Variants in SPIDR observed in about 807,000 individuals in gnomAD.
The protein encoded by SPIDR is DNA repair-scaffolding protein.
In SPIDR, 93 loss-of-function variants were observed where a neutral mutation model predicts 104.6. The observed-to-expected ratio is 0.89, with a 90% CI of 0.75 to 1.06. The LOEUF is 1.06. Ranked by LOEUF, SPIDR falls within the 50% of genes least tolerant of loss-of-function variation. The pLI, the probability that SPIDR is intolerant of heterozygous loss-of-function variation, is 0.00. For synonymous variants in SPIDR, 431 were observed against 416.9 expected (o/e 1.03, Z -0.41); for missense variants, 1,154 against 1,111.2 (o/e 1.04, Z -0.55).
At chr8:47,314,873 C>T (rs1197755858) in intron 5 of SPIDR, among the ~76,000 whole-genome samples, 1 of 152,114 alleles carries the variant, frequency 6.6e-6, no homozygotes, top group Admixed American at 6.5e-5. Context: ...GAAAACAAGA[C>T]TTCCTGTATT....
chr8:47,732,163 C>T, intron 19 of SPIDR: 1 of 702,632 alleles, frequency 1.4e-6, no homozygotes. Context: ...CAGAAATCCT[C>T]CTTCCTTCAC....
At chr8:47,380,064 C>T (rs1554644558) in intron 5 of SPIDR, among the ~76,000 whole-genome samples, 1 of 152,230 alleles carries the variant, frequency 6.6e-6, no homozygotes, top group Non-Finnish European at 1.5e-5. Context: ...CAGAAGCAAC[C>T]TGTCTTGCCT....
intron 8 of SPIDR, among the ~76,000 whole-genome samples, chr8:47,538,372 C>T (rs2087353837): frequency 6.6e-6 from 1 of 151,866 alleles, no homozygotes; most frequent in Non-Finnish European, 1.5e-5. Flanking sequence ...GGTGAAACCC[C>T]GTCTCTACTA....
chr8:47,587,900 A>G (rs909355082), intron 8 of SPIDR, among the ~76,000 whole-genome samples: 2 of 150,328 alleles, frequency 1.3e-5, no homozygotes, highest in Admixed American at 6.7e-5. Flanking sequence ...ACCATATAAT[A>G]TTGGTTATTA....
chr8:47,511,413 C>G (rs2082301504), intron 8 of SPIDR: 2 of 827,546 alleles, frequency 2.4e-6, no homozygotes, highest in Admixed American at 1.7e-5. Context: ...ATTTGGACTT[C>G]ATAAAGTCCT....
chr8:47,313,834 C>A (rs2154256399), intron 5 of SPIDR, among the ~76,000 whole-genome samples: 1 of 152,242 alleles, frequency 6.6e-6, no homozygotes, highest in South Asian at 2.1e-4. Flanking sequence ...GCTATAAACA[C>A]CTTTAAAGTA....
intron 8 of SPIDR, among the ~76,000 whole-genome samples, chr8:47,548,170 A>C (rs1051754538): frequency 2.0e-5 from 3 of 152,204 alleles, no homozygotes; most frequent in Admixed American, 6.5e-5. Flanking sequence ...TTAGAAGATA[A>C]GAAAAAGTAG....
At chr8:47,570,984 G>A (rs1016257076) in intron 8 of SPIDR, among the ~76,000 whole-genome samples, 8 of 150,854 alleles carry the variant, frequency 5.3e-5, no homozygotes, top group Non-Finnish European at 1.2e-4. Flanking sequence ...CCAGCTACTC[G>A]GGAAGCTGAG....
intron 7 of SPIDR, among the ~76,000 whole-genome samples, chr8:47,431,031 C>T (rs1554688853): frequency 1.3e-5 from 2 of 152,196 alleles, no homozygotes; most frequent in Admixed American, 1.3e-4. Flanking sequence ...GCTGCCATCA[C>T]AAAATCCCAC....
At chr8:47,525,082 A>T (rs1389823861) in intron 8 of SPIDR, among the ~76,000 whole-genome samples, 1 of 152,250 alleles carries the variant, frequency 6.6e-6, no homozygotes, top group Non-Finnish European at 1.5e-5. Context: ...GGGTGAATTC[A>T]GTTCCAGTGT....
intron 8 of SPIDR, among the ~76,000 whole-genome samples, chr8:47,452,811 A>T (rs2072091043): frequency 6.6e-6 from 1 of 152,220 alleles, no homozygotes; most frequent in Non-Finnish European, 1.5e-5. Context: ...CAAGACAGGG[A>T]TGCCCTCTCT....
chr8:47,324,299 A>G (rs916463980), intron 5 of SPIDR, among the ~76,000 whole-genome samples: 6 of 152,142 alleles, frequency 3.9e-5, no homozygotes, highest in Non-Finnish European at 8.8e-5. Flanking sequence ...ATTTTGCTGA[A>G]TGGCCTTTCC....
intron 8 of SPIDR, among the ~76,000 whole-genome samples, chr8:47,502,914 C>A (rs2080775926): frequency 6.6e-6 from 1 of 152,238 alleles, no homozygotes; most frequent in South Asian, 2.1e-4. Context: ...CATTCAGGAG[C>A]ACGTTGTGCA....
At chr8:47,368,328 A>T (rs2057496660) in intron 5 of SPIDR, among the ~76,000 whole-genome samples, 1 of 129,974 alleles carries the variant, frequency 7.7e-6, no homozygotes, top group Non-Finnish European at 1.6e-5. Context: ...ACAGAGTCAG[A>T]AGGAGTTGAG....
chr8:47,677,039 C>T (rs1433926979), intron 11 of SPIDR, among the ~76,000 whole-genome samples: 1 of 152,222 alleles, frequency 6.6e-6, no homozygotes, highest in African/African-American at 2.4e-5. Flanking sequence ...AAAAACTGTA[C>T]AGTTTTCACA....
At chr8:47,643,392 A>G (rs1164083513) in intron 10 of SPIDR, among the ~76,000 whole-genome samples, 1 of 152,084 alleles carries the variant, frequency 6.6e-6, no homozygotes, top group African/African-American at 2.4e-5. Context: ...TCTCTTACCC[A>G]GGCTGGAGTG....
intron 5 of SPIDR, among the ~76,000 whole-genome samples, chr8:47,386,253 A>G (rs1448722788): frequency 4.6e-5 from 7 of 152,142 alleles, no homozygotes; most frequent in African/African-American, 1.7e-4. Flanking sequence ...CTATAGTTCT[A>G]CAGTATGATT....
rs2061596030 is a variant in SPIDR at position 47,596,109 on chromosome 8, C to G, written c.1293+103C>G. 7 of 981,598 alleles carry G rather than the reference C, an allele frequency of 7.1e-6. No individual in the cohort carries two copies. The South Asian group carries it at 1.0e-4, about 14-fold the overall frequency. 60.8% of individuals were successfully genotyped at this position (981,598 alleles called of 1,614,324 possible). A position where few individuals can be genotyped will look rare whatever the true frequency, so the allele number is the denominator to read the frequency against. ...GAAGATGTTAGCCTTTTGTCTCCCT[C>G]CAAAAACCCCACCACAAGGATGTAT... On this transcript the variant is annotated intron_variant, in intron 9 of 19. Coordinates refer to ENST00000297423, the MANE Select transcript of SPIDR (RefSeq NM_001080394.4).
intron 8 of SPIDR, among the ~76,000 whole-genome samples, chr8:47,571,360 A>C (rs974032917): frequency 2.0e-4 from 31 of 152,194 alleles, no homozygotes; most frequent in African/African-American, 6.8e-4. Flanking sequence ...CACACTCTAT[A>C]CGTACTTCAG....
Sources: gnomAD v4.1 joint callset for allele counts (sites outside exome capture counted in the v4.1 genomes callset) on GRCh38, gnomAD v4.1.1 for gene constraint, MANE v1.5 for transcripts, NCBI Gene and HGNC (gene_info 2026-07-23, HGNC 2026-07-21) for gene names.